The following CNTNAP2 variants were observed in gnomAD, a reference collection of about 807,000 sequenced individuals.
The protein encoded by CNTNAP2 is contactin associated protein 2.
CNTNAP2 carries 98 observed loss-of-function variants against 155.2 expected under a neutral mutation model. That is an observed-to-expected ratio of 0.63 (90% CI 0.54 to 0.75). The LOEUF (loss-of-function observed/expected upper bound fraction) is 0.75, where lower values mean the gene tolerates loss of function less well. Among genes scored for constraint, CNTNAP2 ranks in the 30% least tolerant of loss-of-function variants. The pLI, the probability that CNTNAP2 is intolerant of heterozygous loss-of-function variation, is 0.00. For missense variants in CNTNAP2, 1,727 were observed against 1,688.1 expected (o/e 1.02, Z -0.40); for synonymous variants, 651 against 631.2 (o/e 1.03, Z -0.47).
At chr7:146,642,649 T>C (rs1052435662) in intron 1 of CNTNAP2, among the ~76,000 whole-genome samples, 17 of 152,046 alleles carry the variant, frequency 1.1e-4, no homozygotes, top group South Asian at 2.1e-4. Context: ...AACAGCATGA[T>C]TTATAGTCCT....
intron 1 of CNTNAP2, among the ~76,000 whole-genome samples, chr7:146,514,363 T>TA (rs1203915829): frequency 6.6e-6 from 1 of 152,040 alleles, no homozygotes; most frequent in African/African-American, 2.4e-5. Context: ...AAATGACTCT[T>TA]ACATTTGCTC....
intron 4 of CNTNAP2, among the ~76,000 whole-genome samples, chr7:147,098,000 G>A (rs1800578989): frequency 2.0e-5 from 3 of 152,164 alleles, no homozygotes; most frequent in Admixed American, 6.5e-5. Context: ...TTGAAATTCT[G>A]TGTAGTGATA....
At chr7:147,855,909 TA>T (rs1799027947) in intron 13 of CNTNAP2, among the ~76,000 whole-genome samples, 1 of 152,140 alleles carries the variant, frequency 6.6e-6, no homozygotes, top group Admixed American at 6.5e-5. Context: ...CTATTTTTTG[TA>T]AAAGGCCTTG....
chr7:146,121,184 A>AGT (rs1797558416), intron 1 of CNTNAP2, among the ~76,000 whole-genome samples: 1 of 118,886 alleles, frequency 8.4e-6, no homozygotes, highest in Admixed American at 1.2e-4. Context: ...GCTGGAGTGC[A>AGT]GTGGCCCGAT....
At chr7:147,879,895 G>T (rs991935778) in intron 13 of CNTNAP2, among the ~76,000 whole-genome samples, 1 of 152,166 alleles carries the variant, frequency 6.6e-6, no homozygotes, top group Non-Finnish European at 1.5e-5. Flanking sequence ...ACACATAGAT[G>T]CTTGCATCTT....
intron 1 of CNTNAP2, among the ~76,000 whole-genome samples, chr7:146,464,396 T>C (rs1796686540): frequency 6.6e-6 from 1 of 152,110 alleles, no homozygotes; most frequent in African/African-American, 2.4e-5. Context: ...TCATATTGAA[T>C]ATATTGTCCT....
At chr7:146,313,019 G>T (rs1584863791) in intron 1 of CNTNAP2, among the ~76,000 whole-genome samples, 1 of 152,098 alleles carries the variant, frequency 6.6e-6, no homozygotes, top group East Asian at 1.9e-4. Context: ...AAAGAAATCT[G>T]GGAATGCCGA....
chr7:147,059,990 G>C (rs1799632768), intron 4 of CNTNAP2, among the ~76,000 whole-genome samples: 1 of 152,052 alleles, frequency 6.6e-6, no homozygotes, highest in South Asian at 2.1e-4. Flanking sequence ...ATTGTGCTAA[G>C]TTCCTTATTT....
chr7:148,287,992 A>G (rs994599093), intron 21 of CNTNAP2, among the ~76,000 whole-genome samples: 10 of 150,656 alleles, frequency 6.6e-5, no homozygotes, highest in South Asian at 2.1e-4. Context: ...GGGTTTCACC[A>G]TGTTGGCCAG....
intron 14 of CNTNAP2, among the ~76,000 whole-genome samples, chr7:147,970,948 T>C (rs1330594195): frequency 6.6e-6 from 1 of 152,188 alleles, no homozygotes; most frequent in East Asian, 1.9e-4. Flanking sequence ...TTGACTCTTG[T>C]TAATGAATGT....
rs557029115 is a variant in CNTNAP2, at chr7:148,033,511, G to A, written c.2383+55522G>A. On this transcript the variant is annotated intron_variant, in intron 15 of 23. Coordinates refer to ENST00000361727, the MANE Select transcript of CNTNAP2 (RefSeq NM_014141.6). Reference sequence around the variant, plus strand: ...ACAAAGGCCCTTGTGTGTGTTATTCGCCTCACTGTGTCCCTGTGTTCTCAA... The same window carrying A: ...ACAAAGGCCCTTGTGTGTGTTATTCACCTCACTGTGTCCCTGTGTTCTCAA... 1.2e-4 allele frequency among the ~76,000 whole-genome samples: 19 copies of A among 152,052 alleles called. No individual in the cohort carries two copies. The East Asian group carries it at 1.4e-3, about 11-fold the overall frequency.
chr7:147,027,681 C>G (rs556926225), intron 3 of CNTNAP2, among the ~76,000 whole-genome samples: 10 of 152,248 alleles, frequency 6.6e-5, no homozygotes, highest in Non-Finnish European at 1.5e-4. Context: ...AGACTGGAAG[C>G]AGGGAGAGCA....
rs550394302 is a variant in CNTNAP2 at position 146,347,550 on chromosome 7, C to T, written c.97+230577C>T. Among the ~76,000 whole-genome samples the T allele has an allele frequency of 4.3e-4, 66 of 152,250 alleles. 2 individuals are homozygous for T. In the South Asian group the frequency reaches 0.013, roughly 30 times the overall value. ...ATTTTTCTCTGTTAAATTTCTCAGTCAGCATTGGCTTTTTTTATTTGTTTG... is the reference window on the plus strand; with the variant it reads ...ATTTTTCTCTGTTAAATTTCTCAGTTAGCATTGGCTTTTTTTATTTGTTTG... On this transcript the variant is annotated intron_variant, in intron 1 of 23. Transcript: ENST00000361727.
At chr7:146,529,157 A>G (rs1370564348) in intron 1 of CNTNAP2, among the ~76,000 whole-genome samples, 2 of 152,234 alleles carry the variant, frequency 1.3e-5, no homozygotes, top group African/African-American at 2.4e-5. Flanking sequence ...TGCATTTTTT[A>G]TATGGACCAG....
chr7:148,406,676 A>G (rs540669161), intron 22 of CNTNAP2, among the ~76,000 whole-genome samples: 1 of 152,358 alleles, frequency 6.6e-6, no homozygotes, highest in Non-Finnish European at 1.5e-5. Flanking sequence ...GAGAAGAGTA[A>G]TTATAATGTC....
chr7:147,035,062 C>A (rs186479708), intron 3 of CNTNAP2, among the ~76,000 whole-genome samples: 1 of 152,268 alleles, frequency 6.6e-6, no homozygotes, highest in East Asian at 1.9e-4. Flanking sequence ...TTGACCAGAT[C>A]CTGCTTTAAT....
intron 10 of CNTNAP2, among the ~76,000 whole-genome samples, chr7:147,459,572 A>C (rs1319920275): frequency 2.0e-5 from 3 of 152,170 alleles, no homozygotes; most frequent in Non-Finnish European, 4.4e-5. Context: ...AGAGGAGATG[A>C]AAAGACTACC....
At chr7:146,351,237 G>C (rs1296631844) in intron 1 of CNTNAP2, among the ~76,000 whole-genome samples, 2 of 150,908 alleles carry the variant, frequency 1.3e-5, no homozygotes, top group African/African-American at 4.9e-5. Flanking sequence ...CAAAAGAATT[G>C]AGAAAATAAA....
At chr7:146,200,333 A>G (rs1038854954) in intron 1 of CNTNAP2, among the ~76,000 whole-genome samples, 7 of 152,018 alleles carry the variant, frequency 4.6e-5, no homozygotes, top group Non-Finnish European at 8.8e-5. Context: ...ATCTCTACTA[A>G]AAATACAAAA....
Sources: allele counts gnomAD v4.1 joint callset (sites outside exome capture counted in the v4.1 genomes callset), GRCh38; gene constraint gnomAD v4.1.1; transcripts MANE v1.5; gene names NCBI Gene and HGNC (gene_info 2026-07-23, HGNC 2026-07-21).